Variants in NAALADL2 observed in about 807,000 individuals in gnomAD.
NAALADL2 encodes the protein N-acetylated alpha-linked acidic dipeptidase like 2.
In NAALADL2, 76 loss-of-function variants were observed where a neutral mutation model predicts 87.2. That is an observed-to-expected ratio of 0.87 (90% confidence interval 0.72 to 1.05). The LOEUF is 1.05. Among genes scored for constraint, NAALADL2 ranks in the 50% least tolerant of loss-of-function variants. The pLI is 0.00. For synonymous variants in NAALADL2, 354 were observed against 331.0 expected, an observed-to-expected ratio of 1.07 and a Z score of -0.75; for missense variants, 1,089 against 945.8, an observed-to-expected ratio of 1.15 and a Z score of -1.99.
At chr3:174,460,595 T>G (rs1313489560) in intron 1 of NAALADL2, among the ~76,000 whole-genome samples, 1 of 152,008 alleles carries the variant, frequency 6.6e-6, no homozygotes, top group Non-Finnish European at 1.5e-5. Context: ...CTTTTTTCTT[T>G]TTTTTTCTTA....
rs139888940 is a variant in NAALADL2 at position 175,653,828 on chromosome 3, A to T, written c.1896+26442A>T. ...TGTATAATGAGCCTTAAAATTTTGTAAGACTCCCTGATGTAGAGGCTGAAT... is the reference window on the plus strand; with the variant it reads ...TGTATAATGAGCCTTAAAATTTTGTTAGACTCCCTGATGTAGAGGCTGAAT... On this transcript the variant is annotated intron_variant, in intron 11 of 13. Coordinates refer to ENST00000454872, the MANE Select transcript of NAALADL2 (RefSeq NM_207015.3). 4.7e-3 allele frequency among the ~76,000 whole-genome samples: 721 copies of T among 152,202 alleles called. 19 individuals carry two copies. The highest frequency in any genetic ancestry group is 1.5e-3 in the East Asian group (8 of 5,176).
chr3:175,739,159 A>T (rs1744922306), intron 12 of NAALADL2, among the ~76,000 whole-genome samples: 1 of 152,214 alleles, frequency 6.6e-6, no homozygotes, highest in Non-Finnish European at 1.5e-5. Context: ...TAATAGAATT[A>T]TAAATGATAG....
At chr3:174,622,660 T>A (rs1721124614) in intron 2 of NAALADL2, among the ~76,000 whole-genome samples, 1 of 152,106 alleles carries the variant, frequency 6.6e-6, no homozygotes, top group Non-Finnish European at 1.5e-5. Context: ...TAAAAGAAAA[T>A]GTTATTTAAA....
chr3:174,943,749 G>A lies in NAALADL2; in HGVS notation c.43+84299G>A, dbSNP rs1178617723. On this transcript the variant is annotated intron_variant, in intron 1 of 13. Coordinates refer to ENST00000454872, the MANE Select transcript of NAALADL2 (RefSeq NM_207015.3). ...GGTGATGAGCAGCAGGGTGTGTGTG[G>A]GACCCATGGGAGATTGACTGGCCTC... Among the ~76,000 whole-genome samples the A allele has an allele frequency of 2.6e-5, 4 of 152,280 alleles. No individual in the cohort carries two copies. In the East Asian group the frequency reaches 7.7e-4, roughly 29 times the overall value.
At chr3:175,198,879 G>C (rs1366486338) in intron 2 of NAALADL2, among the ~76,000 whole-genome samples, 1 of 151,372 alleles carries the variant, frequency 6.6e-6, no homozygotes, top group African/African-American at 2.4e-5. Flanking sequence ...TAATTAGGTA[G>C]TATCCAGGTG....
intron 5 of NAALADL2, among the ~76,000 whole-genome samples, chr3:175,430,773 T>A (rs1209524128): frequency 1.3e-5 from 2 of 152,098 alleles, no homozygotes; most frequent in Non-Finnish European, 2.9e-5. Flanking sequence ...ACATTGTTTA[T>A]TGATAACTAT....
intron 9 of NAALADL2, among the ~76,000 whole-genome samples, chr3:175,514,782 T>C (rs1369451553): frequency 6.6e-6 from 1 of 152,150 alleles, no homozygotes; most frequent in Non-Finnish European, 1.5e-5. Flanking sequence ...CAGATATAAA[T>C]GAGAAGTGGA....
chr3:175,353,270 GTTGAGGTCGGAGGATCTC>G (rs1419009153), intron 5 of NAALADL2, among the ~76,000 whole-genome samples: 3 of 151,988 alleles, frequency 2.0e-5, no homozygotes, highest in Non-Finnish European at 4.4e-5. Flanking sequence ...TACTTGAGAG[GTTGAGGTCGGAGGATCTC>G]TTGAGCCCAG....
intron 7 of NAALADL2, 83 bp from the exon 8 acceptor site, chr3:175,466,896 G>A (rs1247671056): frequency 2.6e-6 from 3 of 1,166,974 alleles, no homozygotes; most frequent in African/African-American, 1.5e-5. Context: ...GCTCAGTTGT[G>A]CAATAGAATT....
rs1376605378 is a variant in NAALADL2 at position 174,468,511 on chromosome 3, G to A, written c.-184+27479G>A. Reference sequence around the variant, plus strand: ...TTCTTGTGTCCCAGCCTCCCAAGTAGCTGGGACTACGGGCACCTGCCACCA... The same window carrying A: ...TTCTTGTGTCCCAGCCTCCCAAGTAACTGGGACTACGGGCACCTGCCACCA... On this transcript the variant is annotated intron_variant, in intron 1 of 3. Coordinates refer to the NAALADL2 transcript ENST00000434257. Among the ~76,000 whole-genome samples, 4 of 150,826 alleles carry A rather than the reference G, an allele frequency of 2.7e-5. No individual in the cohort carries two copies. In the South Asian group the frequency reaches 6.3e-4, roughly 24 times the overall value.
intron 5 of NAALADL2, 125 bp from the exon 6 acceptor site, chr3:175,447,104 G>A: frequency 1.7e-6 from 1 of 604,350 alleles, no homozygotes; most frequent in Non-Finnish European, 2.8e-6. Context: ...CTAAGGAGTA[G>A]ATAAACAAGT....
At chr3:175,697,202 T>A (rs916687340) in intron 11 of NAALADL2, among the ~76,000 whole-genome samples, 2 of 152,030 alleles carry the variant, frequency 1.3e-5, no homozygotes, top group African/African-American at 4.8e-5. Context: ...AGGTAGCGTA[T>A]AACTTTGCCT....
At chr3:174,906,185 T>C (rs1453921371) in intron 1 of NAALADL2, among the ~76,000 whole-genome samples, 2 of 152,086 alleles carry the variant, frequency 1.3e-5, no homozygotes, top group Non-Finnish European at 2.9e-5. Flanking sequence ...TTTAGAACTA[T>C]AAAAGAAACA....
chr3:175,763,083 C>CAAATAAAT (rs34773320), intron 13 of NAALADL2, among the ~76,000 whole-genome samples: 7,185 of 148,734 alleles, frequency 0.048, 325 homozygotes, highest in African/African-American at 0.11. Flanking sequence ...GACTCTGACT[C>CAAATAAAT]AAATAAATAA....
chr3:174,963,604 T>C (rs1742445351), intron 1 of NAALADL2, among the ~76,000 whole-genome samples: 1 of 152,118 alleles, frequency 6.6e-6, no homozygotes, highest in Non-Finnish European at 1.5e-5. Context: ...TCACACGGCG[T>C]TGTGATGATT....
rs186773678 is a variant in NAALADL2, at chr3:175,506,177, A to T, written c.1653+34419A>T. On this transcript the variant is annotated intron_variant, in intron 9 of 13. Transcript: ENST00000454872. ...TTGCTCAGGTGAAATGGAAAAATAA[A>T]ATAAAATAAAATAAAAAAACCTTAG... Among the ~76,000 whole-genome samples, 618 of 152,322 alleles carry T rather than the reference A, an allele frequency of 4.1e-3. 3 individuals carry two copies. Among genetic ancestry groups the T allele is most frequent in the Admixed American group, 6.9e-3 (106 of 15,296 alleles).
chr3:175,325,596 A>G (rs575756517), intron 5 of NAALADL2, among the ~76,000 whole-genome samples: 3 of 152,344 alleles, frequency 2.0e-5, no homozygotes, highest in South Asian at 4.1e-4. Context: ...AATGGGCTAC[A>G]GTGCTACCAA....
At chr3:174,590,055 CT>C (rs1395445377) in intron 2 of NAALADL2, among the ~76,000 whole-genome samples, 1 of 151,932 alleles carries the variant, frequency 6.6e-6, no homozygotes, top group African/African-American at 2.4e-5. Flanking sequence ...AAGCAGAATT[CT>C]TTTTTTAGAA....
At chr3:175,212,639 CCT>C (rs1354305706) in intron 2 of NAALADL2, among the ~76,000 whole-genome samples, 1 of 151,568 alleles carries the variant, frequency 6.6e-6, no homozygotes, top group African/African-American at 2.4e-5. Context: ...TTCATCTTTT[CCT>C]CTCTTTCCTC....
Sources: gnomAD v4.1 joint callset for allele counts (sites outside exome capture counted in the v4.1 genomes callset) on GRCh38, gnomAD v4.1.1 for gene constraint, MANE v1.5 for transcripts, NCBI Gene and HGNC (gene_info 2026-07-23, HGNC 2026-07-21) for gene names.